The following ARID3B variants were observed in gnomAD, a reference collection of about 807,000 sequenced individuals.
The protein encoded by ARID3B is AT-rich interactive domain-containing protein 3B.
Under a neutral mutation model 51.9 loss-of-function variants are expected in ARID3B, and 10 were observed. The observed-to-expected ratio is 0.19, with a 90% CI of 0.12 to 0.33. The LOEUF (loss-of-function observed/expected upper bound fraction) is 0.33. Among genes scored for constraint, ARID3B ranks in the 10% least tolerant of loss-of-function variants. ARID3B has a pLI of 1.00. For synonymous variants in ARID3B, 205 were observed against 279.5 expected (o/e 0.73, Z 2.66); for missense variants, 483 against 716.3 (o/e 0.67, Z 3.72).
intron 8 of ARID3B, among the ~76,000 whole-genome samples, chr15:74,595,354 T>C (rs1050804503): frequency 1.3e-5 from 2 of 152,178 alleles, no homozygotes; most frequent in Non-Finnish European, 2.9e-5. Flanking sequence ...TTCCTCTTTG[T>C]GTACCCTGGG....
intron 2 of ARID3B, among the ~76,000 whole-genome samples, chr15:74,560,031 T>TTAAAAAAAAAAAAAAAAAAAAAA (rs2061673539): frequency 8.4e-5 from 3 of 35,640 alleles, no homozygotes; most frequent in Admixed American, 6.1e-4. Flanking sequence ...CTGTCTCTAC[T>TTAAAAAAAAAAAAAAAAAAAAAA]AAAAAAAAAA....
In ARID3B at chr15:74,591,029, T is replaced by A. The variant is rs953370835; in HGVS notation, c.882-122T>A. ...GACTTTTCTGCCAAGTATACCAAGG[T>A]TGCAATCCTTTGCCCTAGAGTCCTG... On this transcript the variant is annotated intron_variant, in intron 5 of 8. Coordinates refer to ENST00000346246, the MANE Select transcript of ARID3B (RefSeq NM_006465.4). The surrounding 1 kb of genome is among the most constrained non-coding windows in gnomAD (Gnocchi z 5.8). The A allele has an allele frequency of 1.9e-5, 28 of 1,443,260 alleles. No homozygotes were observed. The highest frequency in any genetic ancestry group is 2.0e-4 in the Middle Eastern group (1 of 4,892). 89.4% of individuals were successfully genotyped at this position (1,443,260 alleles called of 1,614,324 possible). A position where few individuals can be genotyped will look rare whatever the true frequency, so the allele number is the denominator to read the frequency against.
intron 8 of ARID3B, 86 bp from the exon 9 acceptor site, chr15:74,595,525 G>C (rs2061821206): frequency 2.0e-6 from 3 of 1,478,520 alleles, no homozygotes; most frequent in Admixed American, 2.0e-5. Flanking sequence ...GCACAGGCTA[G>C]GCCAGCGGTG....
At chr15:74,583,101 G>A (rs1299232128) in intron 4 of ARID3B, among the ~76,000 whole-genome samples, 1 of 151,960 alleles carries the variant, frequency 6.6e-6, no homozygotes, top group Non-Finnish European at 1.5e-5. Context: ...TTGGGAGGCT[G>A]AGGTGAGAGA....
intron 2 of ARID3B, among the ~76,000 whole-genome samples, chr15:74,568,668 C>A (rs2061708616): frequency 1.3e-5 from 2 of 152,076 alleles, no homozygotes; most frequent in African/African-American, 4.8e-5. Flanking sequence ...GGTATAGTAG[C>A]CAAAGCTAGT....
chr15:74,541,877 A>T (rs1317142826), intron 1 of ARID3B, among the ~76,000 whole-genome samples: 1 of 152,046 alleles, frequency 6.6e-6, no homozygotes, highest in African/African-American at 2.4e-5. Context: ...GTGTGAAGGG[A>T]TGAAGAGGTT....
intron 4 of ARID3B, among the ~76,000 whole-genome samples, chr15:74,578,526 C>A (rs2061747042): frequency 6.6e-6 from 1 of 152,126 alleles, no homozygotes; most frequent in African/African-American, 2.4e-5. Flanking sequence ...ACATTTGTGA[C>A]TTGTCACTTG....
At chr15:74,570,879 C>CT (rs2061716906) in intron 2 of ARID3B, among the ~76,000 whole-genome samples, 1 of 152,098 alleles carries the variant, frequency 6.6e-6, no homozygotes, top group South Asian at 2.1e-4. Flanking sequence ...TGAGCTTTAA[C>CT]TTTTTTTTCT....
At chr15:74,578,062 G>A (rs2061744349) in intron 4 of ARID3B, among the ~76,000 whole-genome samples, 1 of 151,818 alleles carries the variant, frequency 6.6e-6, no homozygotes, top group South Asian at 2.1e-4. Flanking sequence ...TCACCATGTT[G>A]GCCAGGCTGG....
intron 2 of ARID3B, among the ~76,000 whole-genome samples, chr15:74,553,197 A>G (rs1234203571): frequency 6.6e-6 from 1 of 152,194 alleles, no homozygotes; most frequent in East Asian, 1.9e-4. Context: ...TGTCATGTAC[A>G]CTTTGTCCAG....
chr15:74,585,593 CA>C (rs1391326785), intron 4 of ARID3B, among the ~76,000 whole-genome samples: 1 of 152,328 alleles, frequency 6.6e-6, no homozygotes, highest in East Asian at 1.9e-4. Flanking sequence ...GGTACATCAG[CA>C]GAATTTTTGT....
intron 2 of ARID3B, among the ~76,000 whole-genome samples, chr15:74,552,127 T>TCTTG (rs1271457287): frequency 7.1e-6 from 1 of 141,160 alleles, no homozygotes; most frequent in African/African-American, 2.6e-5. Flanking sequence ...TGTGGCGTGA[T>TCTTG]CTTGGCTCAC....
rs1596265291 is a variant in ARID3B, at chr15:74,591,682, T to G, written c.1288T>G (p.Ser430Ala). 2 of 1,610,976 alleles carry G rather than the reference T, an allele frequency of 1.2e-6. No homozygotes were observed. Among genetic ancestry groups the G allele is most frequent in the Non-Finnish European group, 1.7e-6 (2 of 1,178,902 alleles). The change falls in exon 7 of 9, where the codon TCA becomes GCA. Residue 430 changes from serine to alanine, a missense_variant. Transcript: ENST00000346246. The surrounding 1 kb of genome is among the most constrained non-coding windows in gnomAD (Gnocchi z 5.8). ...GGAGCAGCTGCGGGAGCGGCTGGAG[T>G]CAGGGGAGCCTGCTGAGAAGAAGGC... ...ALEQLRERLE[S>A]GEPAEKKASR...
chr15:74,587,854 A>C (rs1460159399), intron 4 of ARID3B, among the ~76,000 whole-genome samples: 1 of 152,008 alleles, frequency 6.6e-6, no homozygotes, highest in African/African-American at 2.4e-5. Context: ...GAATTTGTGG[A>C]TCTAATTCCA....
intron 2 of ARID3B, among the ~76,000 whole-genome samples, chr15:74,546,998 T>A (rs921409164): frequency 3.9e-5 from 6 of 152,204 alleles, no homozygotes; most frequent in African/African-American, 1.4e-4. Flanking sequence ...AATAATATTC[T>A]TGGGGAGAGC....
intron 8 of ARID3B, among the ~76,000 whole-genome samples, chr15:74,593,900 G>C (rs2061813400): frequency 6.6e-6 from 1 of 152,046 alleles, no homozygotes; most frequent in Non-Finnish European, 1.5e-5. Context: ...AAAATAGCCA[G>C]GCATGGTGGT....
In ARID3B at chr15:74,589,309, G is replaced by C. The variant is rs568131202; in HGVS notation, c.698-511G>C. On this transcript the variant is annotated intron_variant, in intron 4 of 8. Coordinates refer to ENST00000346246, the MANE Select transcript of ARID3B (RefSeq NM_006465.4). The stretch of plus-strand genomic sequence containing the variant: ...CTCCCAAAGTGCTAGGATTACAGGC[G>C]TGAGCCACCGCACCCAGCCAGCGAG... 1.4e-3 allele frequency among the ~76,000 whole-genome samples: 216 copies of C among 152,052 alleles called. 2 individuals carry two copies. The highest frequency in any genetic ancestry group is 4.6e-3 in the African/African-American group (192 of 41,502).
intron 5 of ARID3B, among the ~76,000 whole-genome samples, chr15:74,590,356 C>G (rs2061798569): frequency 6.6e-6 from 1 of 152,214 alleles, no homozygotes; most frequent in Non-Finnish European, 1.5e-5. Context: ...GAGATTCAGA[C>G]CTGGGCTTCT....
chr15:74,590,899 C>T (rs2061800295), intron 5 of ARID3B, among the ~76,000 whole-genome samples: 1 of 152,194 alleles, frequency 6.6e-6, no homozygotes, highest in South Asian at 2.1e-4. Context: ...AAAACGCCAA[C>T]TAAGATGTTA....
Sources: allele counts gnomAD v4.1 joint callset (sites outside exome capture counted in the v4.1 genomes callset), GRCh38; gene constraint gnomAD v4.1.1; non-coding constraint Gnocchi (gnomAD v3.1); transcripts MANE v1.5; gene names NCBI Gene and HGNC (gene_info 2026-07-23, HGNC 2026-07-21).